The following UNC5D variants were observed in gnomAD, a reference collection of about 807,000 sequenced individuals.
UNC5D encodes netrin receptor UNC5D.
Under a neutral mutation model 105.4 loss-of-function variants are expected in UNC5D, and 39 were observed. That is an observed-to-expected ratio of 0.37 (90% CI 0.29 to 0.48). UNC5D has a LOEUF of 0.48. Among genes scored for constraint, UNC5D ranks in the 20% least tolerant of loss-of-function variants. The pLI is 0.98. For synonymous variants in UNC5D, 452 were observed against 450.4 expected (o/e 1.00, Z -0.04); for missense variants, 991 against 1,202.4 (o/e 0.82, Z 2.60).
At chr8:35,778,496 A>G (rs1247003606) in intron 16 of UNC5D, among the ~76,000 whole-genome samples, 1 of 152,184 alleles carries the variant, frequency 6.6e-6, no homozygotes, top group African/African-American at 2.4e-5. Context: ...ACAGAAATCT[A>G]AAATTGTCTC....
chr8:35,510,479 T>C (rs1334824450), intron 1 of UNC5D, among the ~76,000 whole-genome samples: 1 of 152,206 alleles, frequency 6.6e-6, no homozygotes, highest in Non-Finnish European at 1.5e-5. Flanking sequence ...CTGTGATCAG[T>C]TATCACCTGC....
intron 1 of UNC5D, among the ~76,000 whole-genome samples, chr8:35,355,876 T>A (rs563954953): frequency 6.6e-6 from 1 of 152,236 alleles, no homozygotes; most frequent in African/African-American, 2.4e-5. Context: ...TGAGGTTGGC[T>A]TACAAGGTGT....
At chr8:35,544,583 T>C (rs777113275) in intron 1 of UNC5D, 11 of 1,520,396 alleles carry the variant, frequency 7.2e-6, no homozygotes, top group Admixed American at 2.1e-5. Context: ...CCACACCTAT[T>C]CTTTCGTTTT....
chr8:35,595,421 C>T (rs1445888649), intron 3 of UNC5D, 133 bp from the exon 4 acceptor site: 2 of 710,856 alleles, frequency 2.8e-6, no homozygotes, highest in African/African-American at 3.5e-5. Context: ...TCTAGAATTC[C>T]TGGAACAAGT....
At chr8:35,239,665 C>T (rs1306845949) in intron 1 of UNC5D, among the ~76,000 whole-genome samples, 1 of 152,048 alleles carries the variant, frequency 6.6e-6, no homozygotes, top group East Asian at 1.9e-4. Flanking sequence ...ATGTGCCCTC[C>T]TTCTTGATTA....
At chr8:35,456,858 G>A (rs1433482739) in intron 1 of UNC5D, among the ~76,000 whole-genome samples, 4 of 152,166 alleles carry the variant, frequency 2.6e-5, no homozygotes, top group African/African-American at 7.2e-5. Flanking sequence ...TGCATTATAC[G>A]ATGGATATTG....
intron 1 of UNC5D, among the ~76,000 whole-genome samples, chr8:35,507,091 T>C (rs1305775187): frequency 7.4e-6 from 1 of 135,748 alleles, no homozygotes; most frequent in Non-Finnish European, 1.5e-5. Flanking sequence ...AGTCTCGCTC[T>C]GTCGCCCAGG....
chr8:35,618,035 T>A (rs16884197), intron 4 of UNC5D, among the ~76,000 whole-genome samples: 1,884 of 152,288 alleles, frequency 0.012, 51 homozygotes, highest in African/African-American at 0.043. Flanking sequence ...TTAATTTCTG[T>A]GTGCAGGAAG....
chr8:35,492,458 A>G (rs1179220810), intron 1 of UNC5D, among the ~76,000 whole-genome samples: 4 of 152,118 alleles, frequency 2.6e-5, no homozygotes, highest in African/African-American at 9.7e-5. Flanking sequence ...GTTGGCCATC[A>G]GTGATTGAGA....
At chr8:35,407,302 CTGT>C (rs1008631164) in intron 1 of UNC5D, among the ~76,000 whole-genome samples, 2 of 151,836 alleles carry the variant, frequency 1.3e-5, no homozygotes, top group African/African-American at 4.8e-5. Flanking sequence ...GAACATATCC[CTGT>C]TGTTAAGTGA....
Position 35,618,387 on chromosome 8 carries a change from A to T in UNC5D, c.570+22730A>T, listed in dbSNP as rs10503981. ...TTCTCAGTTTTAATTAACTCATAAG[A>T]CTAATAGGCAATGTGAATTGGTGCT... On this transcript the variant is annotated intron_variant, in intron 4 of 16. Coordinates refer to ENST00000404895, the MANE Select transcript of UNC5D (RefSeq NM_080872.4). 5.9e-3 allele frequency among the ~76,000 whole-genome samples: 896 copies of T among 152,350 alleles called. 34 individuals carry two copies. The highest frequency in any genetic ancestry group is 0.054 in the Admixed American group (823 of 15,298).
At chr8:35,672,905 C>T (rs755960558) in intron 4 of UNC5D, among the ~76,000 whole-genome samples, 108 of 152,274 alleles carry the variant, frequency 7.1e-4, no homozygotes, top group Non-Finnish European at 1.4e-3. Flanking sequence ...AAGGACAACA[C>T]TATCTGACAA....
intron 7 of UNC5D, among the ~76,000 whole-genome samples, chr8:35,689,100 G>A (rs1826220734): frequency 6.6e-6 from 1 of 152,154 alleles, no homozygotes; most frequent in East Asian, 1.9e-4. Flanking sequence ...AATTTTTATA[G>A]TCATAGTAAT....
intron 16 of UNC5D, among the ~76,000 whole-genome samples, chr8:35,781,852 A>G (rs563147391): frequency 6.6e-6 from 1 of 152,336 alleles, no homozygotes; most frequent in South Asian, 2.1e-4. Context: ...GCTCTCATAC[A>G]TTTCCAAAAA....
chr8:35,535,736 T>C (rs1459160364), intron 1 of UNC5D, among the ~76,000 whole-genome samples: 1 of 152,160 alleles, frequency 6.6e-6, no homozygotes, highest in Non-Finnish European at 1.5e-5. Context: ...AAAGTAATAA[T>C]AATCTACAGG....
intron 1 of UNC5D, among the ~76,000 whole-genome samples, chr8:35,351,815 A>G (rs1812259117): frequency 6.6e-6 from 1 of 152,132 alleles, no homozygotes; most frequent in African/African-American, 2.4e-5. Context: ...TAAAATATGA[A>G]GGTAATATTT....
At chr8:35,319,114 G>A (rs1002136482) in intron 1 of UNC5D, among the ~76,000 whole-genome samples, 1 of 152,030 alleles carries the variant, frequency 6.6e-6, no homozygotes, top group Non-Finnish European at 1.5e-5. Context: ...GAGCTGACAA[G>A]GCATCTTTGA....
intron 4 of UNC5D, among the ~76,000 whole-genome samples, chr8:35,600,372 T>C (rs781732128): frequency 2.0e-5 from 3 of 152,212 alleles, no homozygotes; most frequent in Non-Finnish European, 2.9e-5. Flanking sequence ...CCTGAGGAAT[T>C]GCTGCACTGA....
intron 1 of UNC5D, among the ~76,000 whole-genome samples, chr8:35,457,473 G>A (rs886466444): frequency 4.6e-5 from 7 of 152,138 alleles, no homozygotes; most frequent in African/African-American, 1.7e-4. Flanking sequence ...CAAGTTTGAA[G>A]GTGTGTTATG....
Sources: gnomAD v4.1 joint callset for allele counts (sites outside exome capture counted in the v4.1 genomes callset) on GRCh38, gnomAD v4.1.1 for gene constraint, MANE v1.5 for transcripts, NCBI Gene and HGNC (gene_info 2026-07-23, HGNC 2026-07-21) for gene names.